MTAP: variants seen among roughly 807,000 people sequenced by gnomAD.
MTAP encodes methylthioadenosine phosphorylase, also known as S-methyl-5'-thioadenosine phosphorylase.
Under a neutral mutation model 33.6 loss-of-function variants are expected in MTAP, and 33 were observed. That is an observed-to-expected ratio of 0.98 (90% CI 0.74 to 1.31). The LOEUF (loss-of-function observed/expected upper bound fraction) is 1.31. Among genes scored for constraint, MTAP ranks in the 40% most tolerant of loss-of-function variants. MTAP has a pLI of 0.00. For synonymous variants in MTAP, 148 were observed against 125.7 expected, an observed-to-expected ratio of 1.18 and a Z score of -1.19; for missense variants, 367 against 360.0, an observed-to-expected ratio of 1.02 and a Z score of -0.16.
At chr9:21,937,879 C>A (rs1331179823), downstream of MTAP, among the ~76,000 whole-genome samples, 3 of 152,116 alleles carry the variant, frequency 2.0e-5, no homozygotes, top group Admixed American at 2.0e-4. Context: ...GTGGCTCAGG[C>A]CTGTAATTCT....
At chr9:21,876,381 C>A (rs1354894527) in intron 1 of MTAP, among the ~76,000 whole-genome samples, 1 of 152,088 alleles carries the variant, frequency 6.6e-6, no homozygotes, top group African/African-American at 2.4e-5. Context: ...AATTAGATCA[C>A]CCTTGTCAAT....
downstream of MTAP, chr9:21,935,585 A>G (rs910482021): frequency 1.3e-5 from 2 of 152,050 alleles, no homozygotes; most frequent in African/African-American, 4.8e-5. Flanking sequence ...TCTCATACTC[A>G]TGTCTCTCTG....
intron 1 of MTAP, among the ~76,000 whole-genome samples, chr9:21,898,493 G>A (rs1818335568): frequency 6.6e-6 from 1 of 152,016 alleles, no homozygotes; most frequent in Non-Finnish European, 1.5e-5. Flanking sequence ...TTTGACAAAG[G>A]GCTAATATCC....
chr9:21,834,680 A>G (rs1250027815), intron 4 of MTAP, among the ~76,000 whole-genome samples: 1 of 152,208 alleles, frequency 6.6e-6, no homozygotes, highest in Non-Finnish European at 1.5e-5. Flanking sequence ...GTGAGGACTC[A>G]TGTGAAGACA....
chr9:21,921,971 G>A (rs1337394572), intron 1 of MTAP, among the ~76,000 whole-genome samples: 2 of 152,102 alleles, frequency 1.3e-5, no homozygotes, highest in Non-Finnish European at 2.9e-5. Context: ...CAACCATTAG[G>A]TGATGGTCAG....
intron 5 of MTAP, among the ~76,000 whole-genome samples, chr9:21,842,662 G>C (rs1825276241): frequency 6.6e-6 from 1 of 152,152 alleles, no homozygotes; most frequent in Non-Finnish European, 1.5e-5. Context: ...GTAAAACTAA[G>C]CTTCATAATT....
At chr9:21,854,897 T>G (rs775264142) in intron 6 of MTAP, 27 bp downstream of exon 6, 2 of 1,612,258 alleles carry the variant, frequency 1.2e-6, no homozygotes, top group Non-Finnish European at 1.7e-6. Flanking sequence ...TCTAAGCACA[T>G]ATAGCATGGG....
intron 1 of MTAP, among the ~76,000 whole-genome samples, chr9:21,808,500 G>A (rs1824264036): frequency 6.6e-6 from 1 of 151,448 alleles, no homozygotes; most frequent in African/African-American, 2.4e-5. Flanking sequence ...GAGGTAGGAG[G>A]GTCACTTGAA....
chr9:21,835,624 C>T (rs959205330), intron 4 of MTAP, among the ~76,000 whole-genome samples: 2 of 152,098 alleles, frequency 1.3e-5, no homozygotes, highest in Admixed American at 1.3e-4. Context: ...AGTTATAAAA[C>T]TTCTGATTTA....
rs886063794 is a variant in MTAP at position 21,865,957 on chromosome 9, G to A, written c.*3943G>A. 1 of 252,320 alleles carries A rather than the reference G, an allele frequency of 4.0e-6. No individual in the cohort carries two copies. Among genetic ancestry groups the A allele is most frequent in the Non-Finnish European group, 6.3e-6 (1 of 159,096 alleles). 15.6% of individuals were successfully genotyped at this position (252,320 alleles called of 1,614,324 possible). On this transcript the variant is annotated 3_prime_UTR_variant, in exon 8 of 8. Transcript: ENST00000644715. ...TTTGAGGAATTTTATGAATAAAGCTGCTATAAGCATGAAATTACAAGTCTT... is the reference window on the plus strand; with the variant it reads ...TTTGAGGAATTTTATGAATAAAGCTACTATAAGCATGAAATTACAAGTCTT...
chr9:21,822,765 A>C (rs1824679236), intron 4 of MTAP, among the ~76,000 whole-genome samples: 1 of 152,182 alleles, frequency 6.6e-6, no homozygotes, highest in African/African-American at 2.4e-5. Context: ...GTGGGAGTCT[A>C]AGTCTCTTTG....
chr9:21,919,093 A>C (rs1338674445), intron 1 of MTAP, among the ~76,000 whole-genome samples: 1 of 152,228 alleles, frequency 6.6e-6, no homozygotes, highest in East Asian at 1.9e-4. Flanking sequence ...TATTATTGTG[A>C]CTAGGATGAA....
chr9:21,850,537 G>T (rs1415142423), intron 5 of MTAP, among the ~76,000 whole-genome samples: 1 of 152,212 alleles, frequency 6.6e-6, no homozygotes, highest in Non-Finnish European at 1.5e-5. Context: ...AATGGTCCTT[G>T]AGGTGTCAGT....
downstream of MTAP, among the ~76,000 whole-genome samples, chr9:21,870,478 G>T (rs867623346): frequency 2.0e-5 from 3 of 152,158 alleles, no homozygotes; most frequent in Admixed American, 6.5e-5. Context: ...TTGCAAAGCC[G>T]TGTATGTTCT....
chr9:21,909,267 C>A (rs1261363148), intron 1 of MTAP, among the ~76,000 whole-genome samples: 1 of 151,960 alleles, frequency 6.6e-6, no homozygotes, highest in Non-Finnish European at 1.5e-5. Context: ...GTTGACAATT[C>A]TTTTCTTTTA....
At chr9:21,939,394 TTTTC>T (rs1389988136), downstream of MTAP, among the ~76,000 whole-genome samples, 1 of 152,348 alleles carries the variant, frequency 6.6e-6, no homozygotes, top group Non-Finnish European at 1.5e-5. Context: ...TAACGTAACT[TTTTC>T]TTTCTTTCCT....
intron 1 of MTAP, among the ~76,000 whole-genome samples, chr9:21,920,749 TATCCCTTGGATAA>T (rs1161383932): frequency 6.6e-6 from 1 of 152,220 alleles, no homozygotes; most frequent in African/African-American, 2.4e-5. Flanking sequence ...TGGAAATATT[TATCCCTTGGATAA>T]ATCCCACTTG....
Position 21,816,615 on chromosome 9 carries a change from C to T in MTAP, c.121-99C>T, listed in dbSNP as rs559328931. On this transcript the variant is annotated intron_variant, in intron 2 of 7. Transcript: ENST00000644715. ...CTCTTCTCTAAGTTGTATCCTCAGA[C>T]TCTTCAGATTCCATGAGTCCTGTTG... 7 of 970,102 alleles carry T rather than the reference C, an allele frequency of 7.2e-6. No homozygotes were observed. The African/African-American group carries it at 9.9e-5, about 14-fold the overall frequency. The allele number at this position is 970,102 out of a possible 1,614,324, so 60.1% of individuals were successfully genotyped here.
At chr9:21,879,590 CATT>C (rs1159035622) in intron 1 of MTAP, among the ~76,000 whole-genome samples, 5 of 152,028 alleles carry the variant, frequency 3.3e-5, no homozygotes, top group African/African-American at 1.2e-4. Context: ...TTGATCCTGT[CATT>C]GTGTTGTTAA....
Sources: allele counts gnomAD v4.1 joint callset (sites outside exome capture counted in the v4.1 genomes callset), GRCh38; gene constraint gnomAD v4.1.1; transcripts MANE v1.5; gene names NCBI Gene and HGNC (gene_info 2026-07-23, HGNC 2026-07-21).